The following CAMK4 variants were observed in gnomAD, a reference collection of about 807,000 sequenced individuals.
CAMK4 encodes calcium/calmodulin-dependent protein kinase type IV.
A neutral mutation model predicts 44.9 loss-of-function variants in CAMK4; 22 were observed. The ratio of observed to expected loss-of-function variants is 0.49; its 90% CI spans 0.35 to 0.70. The LOEUF is 0.70. Among genes scored for constraint, CAMK4 ranks in the 30% least tolerant of loss-of-function variants. The pLI is 0.01. For missense variants in CAMK4, 498 were observed against 586.8 expected (o/e 0.85, Z 1.56); for synonymous variants, 218 against 215.4 (o/e 1.01, Z -0.11).
Position 111,376,917 on chromosome 5 carries a change from G to A in CAMK4, c.361G>A (p.Val121Ile), listed in dbSNP as rs374581815. The part of the protein sequence containing the change: ...PTEISLVLEL[V>I]TGGELFDRIV... ...AGAAATCAGTCTGGTCCTAGAACTCGTCACAGGAGGAGAACTGTTTGATAG... is the reference window on the plus strand; with the variant it reads ...AGAAATCAGTCTGGTCCTAGAACTCATCACAGGAGGAGAACTGTTTGATAG... Residue 121 changes from valine (V) to isoleucine (I), a missense_variant, in exon 4 of 11, where the codon GTC becomes ATC. Around this residue, in one of 3 missense-constraint regions of CAMK4, gnomAD observed 203 missense variants for 298.2 expected, o/e 0.68. Coordinates refer to ENST00000282356, the MANE Select transcript of CAMK4 (RefSeq NM_001744.6). The A allele has an allele frequency of 1.2e-5, 20 of 1,605,990 alleles. No homozygotes were observed. Among genetic ancestry groups the A allele is most frequent in the Admixed American group, 8.4e-5 (5 of 59,424 alleles).
chr5:111,370,635 C>T (rs1418774489), intron 2 of CAMK4, among the ~76,000 whole-genome samples: 2 of 152,076 alleles, frequency 1.3e-5, no homozygotes, highest in African/African-American at 2.4e-5. Context: ...GCAAGGAAAT[C>T]CTTGTTGACC....
In CAMK4 at chr5:111,494,372, C is replaced by A. The variant is rs966880395; in HGVS notation, c.*9906C>A. On this transcript the variant is annotated 3_prime_UTR_variant, in exon 11 of 11. Coordinates refer to ENST00000282356, the MANE Select transcript of CAMK4 (RefSeq NM_001744.6). ...GACTACTTAATACAAAGATATATTA[C>A]AATATTTTTAGGTAAATGTATTAAG... 4 of 152,142 alleles carry A rather than the reference C, an allele frequency of 2.6e-5. No homozygotes were observed. The highest frequency in any genetic ancestry group is 1.3e-4 in the Admixed American group (2 of 15,262). The allele number at this position is 152,142 out of a possible 1,614,324, so 9.4% of individuals were successfully genotyped here.
At chr5:111,226,231 G>A (rs894429588) in intron 1 of CAMK4, among the ~76,000 whole-genome samples, 3 of 152,082 alleles carry the variant, frequency 2.0e-5, no homozygotes, top group Non-Finnish European at 2.9e-5. Flanking sequence ...AAGCTTCATC[G>A]TCATGAAACT....
intron 1 of CAMK4, among the ~76,000 whole-genome samples, chr5:111,236,382 C>T (rs370144879): frequency 1.3e-5 from 2 of 152,212 alleles, no homozygotes; most frequent in East Asian, 1.9e-4. Context: ...TCTTTAAGTA[C>T]GTTGCTAGTT....
At chr5:111,336,548 C>T (rs1005250039) in intron 1 of CAMK4, among the ~76,000 whole-genome samples, 1 of 150,718 alleles carries the variant, frequency 6.6e-6, no homozygotes, top group Non-Finnish European at 1.5e-5. Context: ...TCTTTCTTGC[C>T]TTTAAAAATT....
chr5:111,364,726 G>C (rs1253286350), intron 2 of CAMK4, among the ~76,000 whole-genome samples: 1 of 151,832 alleles, frequency 6.6e-6, no homozygotes, highest in East Asian at 1.9e-4. Context: ...TTTTCTTTTT[G>C]TTCTTCCCAA....
intron 1 of CAMK4, among the ~76,000 whole-genome samples, chr5:111,273,677 T>TTATA (rs1160351356): frequency 0.03 from 1,231 of 40,796 alleles, 27 homozygotes; most frequent in Non-Finnish European, 0.047. Flanking sequence ...AAAAATGCAT[T>TTATA]TATATATATA....
chr5:111,260,302 A>G (rs955452067), intron 1 of CAMK4, among the ~76,000 whole-genome samples: 3 of 152,130 alleles, frequency 2.0e-5, no homozygotes, highest in Non-Finnish European at 4.4e-5. Context: ...ACATTAGTCA[A>G]TATCTTTCTG....
rs559819184 is a variant in CAMK4, at chr5:111,318,834, G to A, written c.162-25190G>A. 3.9e-5 allele frequency among the ~76,000 whole-genome samples: 6 copies of A among 152,216 alleles called. No homozygotes were observed. The South Asian group carries it at 6.2e-4, about 16-fold the overall frequency. On this transcript the variant is annotated intron_variant, in intron 1 of 10. Transcript: ENST00000282356. ...TTAAAATCTAAATAGATTAGAAACCGTATAATTTTATCAGTCTTATGATGC... is the reference window on the plus strand; with the variant it reads ...TTAAAATCTAAATAGATTAGAAACCATATAATTTTATCAGTCTTATGATGC...
At chr5:111,470,719 A>C (rs539375693) in intron 7 of CAMK4, among the ~76,000 whole-genome samples, 1 of 152,368 alleles carries the variant, frequency 6.6e-6, no homozygotes, top group South Asian at 2.1e-4. Flanking sequence ...GAACCAAGTT[A>C]CTACTGTAAG....
intron 1 of CAMK4, among the ~76,000 whole-genome samples, chr5:111,321,050 G>T (rs1748641768): frequency 6.6e-6 from 1 of 152,144 alleles, no homozygotes; most frequent in African/African-American, 2.4e-5. Context: ...CATGAAATAA[G>T]CTCTAATAAT....
intron 2 of CAMK4, among the ~76,000 whole-genome samples, chr5:111,370,296 A>T (rs1255863529): frequency 6.6e-6 from 1 of 152,192 alleles, no homozygotes; most frequent in Non-Finnish European, 1.5e-5. Flanking sequence ...AAGAGCTAAA[A>T]AGAAATAGCA....
At chr5:111,347,713 T>A (rs1359258679) in intron 2 of CAMK4, among the ~76,000 whole-genome samples, 1 of 151,958 alleles carries the variant, frequency 6.6e-6, no homozygotes, top group Non-Finnish European at 1.5e-5. Flanking sequence ...CCTCTTGGAT[T>A]AGGGACCCAC....
At chr5:111,308,471 C>G (rs1005647505) in intron 1 of CAMK4, among the ~76,000 whole-genome samples, 3 of 152,060 alleles carry the variant, frequency 2.0e-5, no homozygotes, top group Non-Finnish European at 4.4e-5. Context: ...CATTAATTCC[C>G]TTTACTGTAG....
chr5:111,463,969 C>T (rs1379416638), intron 7 of CAMK4, among the ~76,000 whole-genome samples: 3 of 151,688 alleles, frequency 2.0e-5, no homozygotes, highest in East Asian at 1.9e-4. Flanking sequence ...CCTAGCTTAC[C>T]GGCAATGGAT....
At chr5:111,313,745 C>A (rs558299658) in intron 1 of CAMK4, among the ~76,000 whole-genome samples, 1 of 152,002 alleles carries the variant, frequency 6.6e-6, no homozygotes, top group South Asian at 2.1e-4. Context: ...CAAAGAAAAA[C>A]CCCTCTCTTT....
chr5:111,332,895 C>T (rs987664731), intron 1 of CAMK4, among the ~76,000 whole-genome samples: 12 of 151,440 alleles, frequency 7.9e-5, no homozygotes, highest in African/African-American at 2.2e-4. Context: ...AGTTAAAAAC[C>T]GAAATGTCCA....
chr5:111,351,095 G>A (rs1210433889), intron 2 of CAMK4, among the ~76,000 whole-genome samples: 1 of 152,118 alleles, frequency 6.6e-6, no homozygotes, highest in Non-Finnish European at 1.5e-5. Flanking sequence ...TTATATATGT[G>A]CATGTATATT....
At chr5:111,244,312 C>G (rs923807685) in intron 1 of CAMK4, among the ~76,000 whole-genome samples, 4 of 152,072 alleles carry the variant, frequency 2.6e-5, no homozygotes, top group East Asian at 1.9e-4. Flanking sequence ...TGAAATGCAT[C>G]AAAAATTATT....
Sources: gnomAD v4.1 joint callset for allele counts (sites outside exome capture counted in the v4.1 genomes callset) on GRCh38, gnomAD v4.1.1 for gene constraint, gnomAD v4.1.1 regional missense constraint, MANE v1.5 for transcripts, NCBI Gene and HGNC (gene_info 2026-07-23, HGNC 2026-07-21) for gene names.